Variants in DYNC1I1 observed in about 807,000 individuals in gnomAD.
The protein encoded by DYNC1I1 is dynein cytoplasmic 1 intermediate chain 1.
DYNC1I1 carries 43 observed loss-of-function variants against 86.6 expected under a neutral mutation model. That is an observed-to-expected ratio of 0.50 (90% CI 0.39 to 0.64). The LOEUF (loss-of-function observed/expected upper bound fraction) is 0.64. Ranked by LOEUF, DYNC1I1 falls within the 30% of genes least tolerant of loss-of-function variation. The pLI is 0.00. For synonymous variants in DYNC1I1, 262 were observed against 283.7 expected, an observed-to-expected ratio of 0.92 and a Z score of 0.77; for missense variants, 604 against 788.8, an observed-to-expected ratio of 0.77 and a Z score of 2.81.
chr7:96,056,435 GA>G (rs1254613008), intron 14 of DYNC1I1, among the ~76,000 whole-genome samples: 1 of 152,120 alleles, frequency 6.6e-6, no homozygotes, highest in Non-Finnish European at 1.5e-5. Context: ...TATTTATTGG[GA>G]AAATAGTTCC....
At chr7:96,099,495 G>T (rs1791094587), downstream of DYNC1I1, among the ~76,000 whole-genome samples, 1 of 152,128 alleles carries the variant, frequency 6.6e-6, no homozygotes, top group Non-Finnish European at 1.5e-5. Context: ...AGACTGAGTG[G>T]CTTAAGCAAC....
At chr7:95,785,791 A>G (rs534501018) in intron 1 of DYNC1I1, among the ~76,000 whole-genome samples, 21,677 of 117,400 alleles carry the variant, frequency 0.18, 2,070 homozygotes, top group Middle Eastern at 0.32. Context: ...ATATATATAT[A>G]TATATATATA....
intron 6 of DYNC1I1, among the ~76,000 whole-genome samples, chr7:95,915,005 T>A (rs905641296): frequency 1.3e-5 from 2 of 152,230 alleles, no homozygotes; most frequent in Admixed American, 6.5e-5. Context: ...TTTTCTACTC[T>A]GTGCCCCTCG....
chr7:96,028,070 TCCAGG>T, intron 10 of DYNC1I1, 100 bp from the exon 11 acceptor site: 5 of 1,444,404 alleles, frequency 3.5e-6, no homozygotes, highest in African/African-American at 1.4e-5. Flanking sequence ...TTTTTTGTTT[TCCAGG>T]ATGTGTTGAG....
chr7:96,090,235 TTTGTTGTTG>T (rs781614273), intron 16 of DYNC1I1, among the ~76,000 whole-genome samples: 1 of 151,872 alleles, frequency 6.6e-6, no homozygotes, highest in African/African-American at 2.4e-5. Flanking sequence ...TCTTCGGATA[TTTGTTGTTG>T]TTGTTGTTGT....
At chr7:95,811,377 G>C (rs1262342247) in intron 3 of DYNC1I1, among the ~76,000 whole-genome samples, 1 of 151,892 alleles carries the variant, frequency 6.6e-6, no homozygotes, top group Non-Finnish European at 1.5e-5. Flanking sequence ...CTTTTGTTTA[G>C]AATACTTTCT....
At chr7:95,971,341 A>C (rs531030661) in intron 6 of DYNC1I1, among the ~76,000 whole-genome samples, 1 of 152,336 alleles carries the variant, frequency 6.6e-6, no homozygotes, top group South Asian at 2.1e-4. Flanking sequence ...TATTTTTTAA[A>C]ACTTTAATAG....
intron 10 of DYNC1I1, among the ~76,000 whole-genome samples, chr7:96,014,755 C>A (rs534039310): frequency 6.6e-6 from 1 of 152,288 alleles, no homozygotes; most frequent in African/African-American, 2.4e-5. Context: ...GTTATAGTCA[C>A]TTTGTGAAGT....
chr7:95,826,958 C>A (rs1414878639), intron 4 of DYNC1I1, among the ~76,000 whole-genome samples: 1 of 152,078 alleles, frequency 6.6e-6, no homozygotes, highest in African/African-American at 2.4e-5. Context: ...GACAAGGAAA[C>A]CGAGCAGGGC....
At chr7:95,929,601 T>C (rs78513169) in intron 6 of DYNC1I1, among the ~76,000 whole-genome samples, 3,300 of 152,286 alleles carry the variant, frequency 0.022, 125 homozygotes, top group African/African-American at 0.074. Flanking sequence ...CAACTTGATA[T>C]TTTTGACATG....
intron 6 of DYNC1I1, among the ~76,000 whole-genome samples, chr7:95,961,891 T>C (rs1485170817): frequency 6.6e-6 from 1 of 152,190 alleles, no homozygotes; most frequent in African/African-American, 2.4e-5. Flanking sequence ...TTCCTGCCTT[T>C]CCTTCCCTTG....
At chr7:95,838,363 T>A (rs962754876) in intron 5 of DYNC1I1, among the ~76,000 whole-genome samples, 6 of 152,206 alleles carry the variant, frequency 3.9e-5, no homozygotes, top group Non-Finnish European at 8.8e-5. Context: ...ATGTGTGAGT[T>A]AATTTCTGGA....
chr7:96,023,477 T>C (rs1794603014), intron 10 of DYNC1I1, among the ~76,000 whole-genome samples: 1 of 152,122 alleles, frequency 6.6e-6, no homozygotes, highest in Admixed American at 6.5e-5. Context: ...TAAGGGGAAG[T>C]ACCATCTCTA....
At chr7:95,911,568 G>A (rs1220664477) in intron 6 of DYNC1I1, among the ~76,000 whole-genome samples, 4 of 152,156 alleles carry the variant, frequency 2.6e-5, no homozygotes, top group Non-Finnish European at 5.9e-5. Flanking sequence ...AGAGGCCCAA[G>A]CTTACATTTA....
In DYNC1I1 at chr7:96,019,256, G is replaced by A. The variant is rs1403295789; in HGVS notation, c.970-8919G>A. On this transcript the variant is annotated intron_variant, in intron 10 of 16. Transcript: ENST00000447467. ...ATTGTAGTCACCATGTTGTACAGTAGATCTCTTGAATTTATTCCTTCTATC... is the reference window on the plus strand; with the variant it reads ...ATTGTAGTCACCATGTTGTACAGTAAATCTCTTGAATTTATTCCTTCTATC... 4.6e-5 allele frequency among the ~76,000 whole-genome samples: 7 copies of A among 150,690 alleles called. 1 individual carries two copies. The highest frequency in any genetic ancestry group is 1.5e-5 in the Non-Finnish European group (1 of 67,440).
At position 95,818,473 on chromosome 7, in the gene DYNC1I1, A is replaced by AAT. The variant is rs763156720; in HGVS notation, c.314+5136_314+5137insAT. The AAT allele has an allele frequency of 2.3e-3, 1,301 of 574,060 alleles. 82 individuals carry two copies. The highest frequency in any genetic ancestry group is 7.8e-3 in the South Asian group (374 of 47,882). 35.6% of individuals were successfully genotyped at this position (574,060 alleles called of 1,614,324 possible). A position where few individuals can be genotyped will look rare whatever the true frequency, so the allele number is the denominator to read the frequency against. ...CATACCACCACACCCAGCTGATTTAATTTTTTTTTTTTTTTTTTTTTGTAG... is the reference window on the plus strand; with the variant it reads ...CATACCACCACACCCAGCTGATTTAAATTTTTTTTTTTTTTTTTTTTTTGTAG... On this transcript the variant is annotated intron_variant, in intron 4 of 16. Coordinates refer to ENST00000447467, the MANE Select transcript of DYNC1I1 (RefSeq NM_001135556.2).
At chr7:96,067,533 G>C (rs1327076123) in intron 14 of DYNC1I1, among the ~76,000 whole-genome samples, 4 of 148,612 alleles carry the variant, frequency 2.7e-5, no homozygotes, top group Non-Finnish European at 4.4e-5. Context: ...TAATCATAAA[G>C]TCACCTCCAG....
chr7:96,040,518 G>C (rs1340237797), intron 14 of DYNC1I1, among the ~76,000 whole-genome samples: 1 of 152,074 alleles, frequency 6.6e-6, no homozygotes, highest in Non-Finnish European at 1.5e-5. Context: ...GGCAGCTGGT[G>C]AGTGTAGCAC....
At chr7:96,045,525 A>G (rs961534586) in intron 14 of DYNC1I1, among the ~76,000 whole-genome samples, 4 of 152,216 alleles carry the variant, frequency 2.6e-5, no homozygotes, top group African/African-American at 9.6e-5. Flanking sequence ...GCCTGAGCTT[A>G]AAAGAAATAG....
Sources: allele counts gnomAD v4.1 joint callset (sites outside exome capture counted in the v4.1 genomes callset), GRCh38; gene constraint gnomAD v4.1.1; transcripts MANE v1.5; gene names NCBI Gene and HGNC (gene_info 2026-07-23, HGNC 2026-07-21).